BFSP1: variants seen among roughly 807,000 people sequenced by gnomAD.
The protein encoded by BFSP1 is beaded filament structural protein 1.
BFSP1 carries 38 observed loss-of-function variants against 43.9 expected under a neutral mutation model. The ratio of observed to expected loss-of-function variants is 0.87; its 90% CI spans 0.67 to 1.14. The LOEUF is 1.14. BFSP1 is among the 50% of genes most tolerant of loss of function. The pLI is 0.00. For missense variants in BFSP1, 850 were observed against 875.1 expected (o/e 0.97, Z 0.36); for synonymous variants, 352 against 354.8 (o/e 0.99, Z 0.09).
intron 2 of BFSP1, among the ~76,000 whole-genome samples, chr20:17,523,900 C>T (rs559413821): frequency 6.6e-6 from 1 of 151,856 alleles, no homozygotes; most frequent in Non-Finnish European, 1.5e-5. Flanking sequence ...TGGCAAACAT[C>T]CGGCGCTAAC....
chr20:17,494,115 T>C lies in BFSP1; in HGVS notation c.1957A>G (p.Thr653Ala), dbSNP rs1471146617. Residue 653 changes from threonine to alanine, a missense_variant, in exon 8 of 8, where the codon ACA (threonine) becomes GCA (alanine). Thr to Ala is a moderately conservative substitution (Grantham distance 58). Coordinates refer to ENST00000377873, the MANE Select transcript of BFSP1 (RefSeq NM_001195.5). ...CCTGATTTCTTCTTGTCTGACTTTG[T>C]CTTTCCAATCATGGTCTCCACGATC... is the stretch of plus-strand genomic sequence containing the variant. ...AVIVETMIGK[T>A]KSDKKKSGEK... is the part of the protein sequence containing the mutation. 6.2e-7 allele frequency: 1 copy of C among 1,614,046 alleles called. No individual in the cohort carries two copies. Among genetic ancestry groups the C allele is most frequent in the Admixed American group, 1.7e-5 (1 of 60,016 alleles).
intron 2 of BFSP1, among the ~76,000 whole-genome samples, chr20:17,524,583 G>GT (rs1441276574): frequency 3.9e-5 from 6 of 152,206 alleles, no homozygotes; most frequent in Non-Finnish European, 8.8e-5. Flanking sequence ...GCTTGTCACT[G>GT]TAACGCCGGC....
chr20:17,499,054 C>T lies in BFSP1; in HGVS notation c.736-14G>A, dbSNP rs375058209. On this transcript the variant is annotated splice_polypyrimidine_tract_variant and intron_variant, in intron 5 of 7. Coordinates refer to ENST00000377873, the MANE Select transcript of BFSP1 (RefSeq NM_001195.5). ...CAGAGTTGTTGTCTGTGGGCAAGGA[C>T]ACGCTGTAAGAAAATCCATCCCCCT... The T allele has an allele frequency of 6.9e-5, 112 of 1,611,590 alleles. No individual in the cohort carries two copies. Among genetic ancestry groups the T allele is most frequent in the Non-Finnish European group, 8.6e-5 (101 of 1,177,842 alleles).
chr20:17,517,341 CAAACA>C (rs959954601), intron 2 of BFSP1: 40 of 1,001,418 alleles, frequency 4.0e-5, no homozygotes, highest in African/African-American at 3.0e-4. Flanking sequence ...CATGAACTAA[CAAACA>C]AAACAAAACA....
intron 1 of BFSP1, among the ~76,000 whole-genome samples, chr20:17,543,961 G>C (rs1028062359): frequency 2.0e-5 from 3 of 152,248 alleles, no homozygotes; most frequent in African/African-American, 7.2e-5. Flanking sequence ...CATATGGTAA[G>C]TGCTTAACAA....
chr20:17,523,208 G>A (rs570031884), intron 2 of BFSP1, among the ~76,000 whole-genome samples: 19 of 152,164 alleles, frequency 1.2e-4, no homozygotes, highest in Non-Finnish European at 2.8e-4. Flanking sequence ...AAAAACAACA[G>A]AAAGTTTAAG....
upstream of BFSP1, chr20:17,560,383 A>G (rs1348698246): frequency 6.6e-6 from 1 of 152,216 alleles, no homozygotes; most frequent in Non-Finnish European, 1.5e-5. Context: ...TGCTCCACTC[A>G]TCAAAGATCC....
chr20:17,541,956 G>A lies in BFSP1; in HGVS notation c.2+16732C>T, dbSNP rs185628518. On this transcript the variant is annotated intron_variant, in intron 1 of 7. Coordinates refer to the BFSP1 transcript ENST00000377868. ...CTCTCAGAGTACATTATTTTCTCAA[G>A]GTAACCTGAGTTTTGGGGTGACACA... Among the ~76,000 whole-genome samples the A allele has an allele frequency of 2.7e-3, 407 of 152,266 alleles. 3 individuals are homozygous for A. Among genetic ancestry groups the A allele is most frequent in the Middle Eastern group, 0.014 (4 of 294 alleles).
intron 2 of BFSP1, among the ~76,000 whole-genome samples, chr20:17,523,441 A>G (rs1226325640): frequency 6.6e-6 from 1 of 151,976 alleles, no homozygotes; most frequent in Non-Finnish European, 1.5e-5. Context: ...ATGTTCTGGC[A>G]GTCTGAGGTT....
In BFSP1 at chr20:17,496,839, A is replaced by G. The variant is rs1349060559; in HGVS notation, c.1042+99T>C. 2.7e-6 allele frequency: 3 copies of G among 1,093,702 alleles called. No homozygotes were observed. The African/African-American group carries it at 5.0e-5, about 18-fold the overall frequency. 67.7% of individuals were successfully genotyped at this position (1,093,702 alleles called of 1,614,324 possible). A position where few individuals can be genotyped will look rare whatever the true frequency, so the allele number is the denominator to read the frequency against. On this transcript the variant is annotated intron_variant, in intron 7 of 7. Coordinates refer to ENST00000377873, the MANE Select transcript of BFSP1 (RefSeq NM_001195.5). The stretch of plus-strand genomic sequence containing the variant: ...TCACATAAAAGCATTTAATTTCCAG[A>G]TGGATCTGAAGCAAGCATGAATGTT...
upstream of BFSP1, among the ~76,000 whole-genome samples, chr20:17,559,489 G>A (rs1600688360): frequency 6.6e-6 from 1 of 152,302 alleles, no homozygotes; most frequent in South Asian, 2.1e-4. Context: ...GAGTCCCAAA[G>A]GGGTGCACCT....
chr20:17,553,810 C>CAT (rs1568717863), intron 1 of BFSP1, among the ~76,000 whole-genome samples: 8 of 111,872 alleles, frequency 7.2e-5, no homozygotes, highest in South Asian at 2.7e-4. Context: ...CACACACACA[C>CAT]ACACACACAC....
upstream of BFSP1, among the ~76,000 whole-genome samples, chr20:17,559,992 G>T (rs2035052414): frequency 1.3e-5 from 2 of 151,864 alleles, no homozygotes; most frequent in East Asian, 3.9e-4. Flanking sequence ...ATGACCATTG[G>T]CCTTTGGCTA....
chr20:17,556,663 G>T (rs913830169), intron 1 of BFSP1, among the ~76,000 whole-genome samples: 1 of 151,906 alleles, frequency 6.6e-6, no homozygotes, highest in Non-Finnish European at 1.5e-5. Flanking sequence ...TAAATTTGGT[G>T]AGGAGGGAAA....
intron 2 of BFSP1, among the ~76,000 whole-genome samples, chr20:17,520,023 C>T (rs2034283285): frequency 6.6e-6 from 1 of 152,220 alleles, no homozygotes; most frequent in African/African-American, 2.4e-5. Context: ...GGTCAATAGT[C>T]TAATTTTACA....
chr20:17,545,454 T>C (rs953239839), intron 1 of BFSP1, among the ~76,000 whole-genome samples: 1 of 152,256 alleles, frequency 6.6e-6, no homozygotes, highest in Admixed American at 6.5e-5. Flanking sequence ...GTAAAAGGCA[T>C]GGTTAAACAT....
chr20:17,512,842 C>A (rs532158058), intron 3 of BFSP1, among the ~76,000 whole-genome samples: 2 of 152,320 alleles, frequency 1.3e-5, no homozygotes, highest in African/African-American at 4.8e-5. Context: ...CTATGTGTGA[C>A]CTCAGGCAAG....
rs937479628 is a variant in BFSP1, at chr20:17,531,096, C to T, written c.234G>A (p.Leu78=). Residue 78 remains leucine (L), a synonymous_variant, in exon 1 of 8, where the codon CTG becomes CTA. Coordinates refer to ENST00000377873, the MANE Select transcript of BFSP1 (RefSeq NM_001195.5). The part of the protein sequence containing the change: ...LRRQLDAFQR[L]GELAGPEDAL... ...CGTCCTCGGGCCCGGCCAGCTCGCC[C>T]AGGCGCTGGAAGGCATCCAGCTGCC... The T allele has an allele frequency of 2.2e-6, 3 of 1,361,106 alleles. No individual in the cohort carries two copies. The highest frequency in any genetic ancestry group is 2.8e-6 in the Non-Finnish European group (3 of 1,059,590). The allele number at this position is 1,361,106 out of a possible 1,614,324, so 84.3% of individuals were successfully genotyped here.
At position 17,531,265 on chromosome 20, in the gene BFSP1, G is replaced by C; in HGVS notation, c.65C>G (p.Ser22Trp). 1 of 1,447,338 alleles carries C rather than the reference G, an allele frequency of 6.9e-7. No homozygotes were observed. Among genetic ancestry groups the C allele is most frequent in the East Asian group, 2.9e-5 (1 of 34,160 alleles). The allele number at this position is 1,447,338 out of a possible 1,614,324, so 89.7% of individuals were successfully genotyped here. Residue 22 changes from serine to tryptophan, a missense_variant, in exon 1 of 8, where the codon TCG (serine) becomes TGG (tryptophan). Physicochemically the swap from Ser to Trp is radical, Grantham distance 177. Transcript: ENST00000377873. The part of the protein sequence containing the change: ...KEQYEHADEA[S>W]RAAEPERPAD... ...CGGGCGCTCGGGCTCGGCGGCGCGC[G>C]AAGCCTCGTCGGCGTGCTCGTACTG...
Sources: gnomAD v4.1 joint callset for allele counts (sites outside exome capture counted in the v4.1 genomes callset) on GRCh38, gnomAD v4.1.1 for gene constraint, MANE v1.5 for transcripts, NCBI Gene and HGNC (gene_info 2026-07-23, HGNC 2026-07-21) for gene names.